FRMPD4: variants seen among roughly 807,000 people sequenced by gnomAD.
FRMPD4 encodes the protein FERM and PDZ domain-containing protein 4.
A neutral mutation model predicts 94.1 loss-of-function variants in FRMPD4; 22 were observed. The ratio of observed to expected loss-of-function variants is 0.23; its 90% CI spans 0.17 to 0.33. FRMPD4 has a LOEUF of 0.33. FRMPD4 is among the 10% of genes least tolerant of loss of function. The pLI is 1.00. For synonymous variants in FRMPD4, 631 were observed against 548.6 expected, an observed-to-expected ratio of 1.15 and a Z score of -2.10; for missense variants, 1,111 against 1,339.9, an observed-to-expected ratio of 0.83 and a Z score of 2.67.
At chrX:12,092,935 G>T (rs944347042) in intron 3 of FRMPD4, among the ~76,000 whole-genome samples, 2 of 111,789 alleles carry the variant, frequency 1.8e-5, no homozygotes, top group African/African-American at 6.5e-5. Context: ...GGTTAGAATA[G>T]GTCTGCCTGT....
intron 1 of FRMPD4, among the ~76,000 whole-genome samples, chrX:12,409,330 A>G (rs1368441668): frequency 1.8e-5 from 2 of 111,615 alleles, no homozygotes; most frequent in Non-Finnish European, 3.8e-5. Context: ...AGTAAAGTAT[A>G]TGAGCATTTG....
intron 3 of FRMPD4, among the ~76,000 whole-genome samples, chrX:11,953,858 T>C (rs925982207): frequency 8.9e-6 from 1 of 111,788 alleles, no homozygotes; most frequent in African/African-American, 3.3e-5. Context: ...TTTGTGGCAA[T>C]GAATGGAAAT....
At chrX:12,178,907 C>T (rs1224918531) in intron 1 of FRMPD4, among the ~76,000 whole-genome samples, 1 of 111,693 alleles carries the variant, frequency 9.0e-6, no homozygotes, top group African/African-American at 3.3e-5. Context: ...GGTGGATTTT[C>T]CATTGTCTCC....
chrX:12,350,984 G>A (rs1392593126), intron 1 of FRMPD4, among the ~76,000 whole-genome samples: 1 of 111,501 alleles, frequency 9.0e-6, no homozygotes, highest in Non-Finnish European at 1.9e-5. Flanking sequence ...GACCATCCTG[G>A]CCAACATGGT....
intron 3 of FRMPD4, among the ~76,000 whole-genome samples, chrX:12,069,371 C>T (rs1054274112): frequency 2.7e-5 from 3 of 111,162 alleles, no homozygotes; most frequent in Non-Finnish European, 3.8e-5. Context: ...AAGTATCACC[C>T]GGTTTGCTAC....
At chrX:12,356,401 A>G (rs1012928659) in intron 1 of FRMPD4, among the ~76,000 whole-genome samples, 2 of 112,255 alleles carry the variant, frequency 1.8e-5, no homozygotes, top group African/African-American at 3.2e-5. Flanking sequence ...AGTATGAGCT[A>G]CATACTTGGA....
At position 12,683,697 on chromosome X, in the gene FRMPD4, TGTTG is replaced by T. The variant is rs1047570258; in HGVS notation, c.573+114_573+117del. 3 of 453,794 alleles carry T rather than the reference TGTTG, an allele frequency of 6.6e-6. No individual in the cohort carries two copies. In the African/African-American group the frequency reaches 7.4e-5, roughly 11 times the overall value. The allele number at this position is 453,794 out of a possible 1,213,427, so 37.4% of individuals were successfully genotyped here. The stretch of plus-strand genomic sequence containing the variant: ...CTGGAATGACTGATCTGAAATTGGT[TGTTG>T]GTTTTTACAGAGGTGTCAAATCTCA... On this transcript the variant is annotated intron_variant, in intron 6 of 16. Transcript: ENST00000675598.
intron 3 of FRMPD4, among the ~76,000 whole-genome samples, chrX:11,900,034 C>T (rs2053925767): frequency 8.9e-6 from 1 of 112,148 alleles, no homozygotes; most frequent in Non-Finnish European, 1.9e-5. Flanking sequence ...GGTCTCTGGG[C>T]CTCCCTATGC....
intron 4 of FRMPD4, among the ~76,000 whole-genome samples, chrX:12,633,362 G>A (rs1452503965): frequency 8.9e-6 from 1 of 111,762 alleles, no homozygotes; most frequent in Non-Finnish European, 1.9e-5. Flanking sequence ...TTGACTTTCA[G>A]GAACCCTTAA....
intron 1 of FRMPD4, among the ~76,000 whole-genome samples, chrX:12,397,685 C>T (rs927806936): frequency 9.9e-5 from 11 of 111,183 alleles, no homozygotes; most frequent in African/African-American, 3.6e-4. Flanking sequence ...CTCAGCCTCT[C>T]GCCTCCCTCT....
intron 8 of FRMPD4, among the ~76,000 whole-genome samples, chrX:12,692,719 C>T (rs2060090426): frequency 1.8e-5 from 2 of 112,197 alleles, no homozygotes; most frequent in Admixed American, 1.9e-4. Context: ...TAAAAGTAAA[C>T]TCAAGATAAG....
chrX:12,558,172 A>G (rs760366702), intron 2 of FRMPD4, among the ~76,000 whole-genome samples: 3 of 112,716 alleles, frequency 2.7e-5, no homozygotes, highest in Non-Finnish European at 5.6e-5. Context: ...TTCACATGTG[A>G]TAGTAAGGCT....
chrX:12,254,906 T>C (rs2054093650), intron 1 of FRMPD4, among the ~76,000 whole-genome samples: 1 of 110,454 alleles, frequency 9.1e-6, no homozygotes, highest in Admixed American at 9.7e-5. Context: ...CCTCACTCCA[T>C]ACAGCACAGA....
At chrX:11,825,230 GT>G (rs2147269140) in intron 1 of FRMPD4, among the ~76,000 whole-genome samples, 2 of 105,349 alleles carry the variant, frequency 1.9e-5, no homozygotes, top group African/African-American at 7.0e-5. Context: ...GTGTGTGTGT[GT>G]GTGTGTGGTC....
intron 2 of FRMPD4, among the ~76,000 whole-genome samples, chrX:12,527,902 A>G (rs564192454): frequency 8.9e-6 from 1 of 112,358 alleles, no homozygotes; most frequent in Non-Finnish European, 1.9e-5. Context: ...TTTTTGGCTT[A>G]ATGGGGAAAT....
intron 3 of FRMPD4, among the ~76,000 whole-genome samples, chrX:11,980,684 C>T (rs1391680790): frequency 1.8e-5 from 2 of 111,843 alleles, no homozygotes; most frequent in Admixed American, 9.5e-5. Flanking sequence ...CATACCTTTA[C>T]AACTAGATGA....
rs1006621183 is a variant in FRMPD4, at chrX:12,050,152, T to C, written c.95+172134T>C. Among the ~76,000 whole-genome samples the C allele has an allele frequency of 3.6e-5, 4 of 111,719 alleles. No individual in the cohort carries two copies. In the Admixed American group the frequency reaches 3.8e-4, roughly 11 times the overall value. ...ATCATGTTTATAAAGTTTACAGTAG[T>C]GTACAGTAATGTCCCAGGATTTCAC... is the stretch of plus-strand genomic sequence containing the variant. On this transcript the variant is annotated intron_variant, in intron 3 of 18. Transcript: ENST00000640291.
intron 2 of FRMPD4, among the ~76,000 whole-genome samples, chrX:12,578,577 AGT>A (rs753276756): frequency 7.2e-5 from 8 of 111,849 alleles, no homozygotes; most frequent in Non-Finnish European, 1.3e-4. Flanking sequence ...CATACTGTAT[AGT>A]GTGTTTGTGT....
At chrX:11,864,347 G>A (rs1026907206) in intron 1 of FRMPD4, among the ~76,000 whole-genome samples, 3 of 109,815 alleles carry the variant, frequency 2.7e-5, no homozygotes, top group African/African-American at 9.9e-5. Flanking sequence ...CACTAAAGGA[G>A]TGGTTAGACA....
Sources: allele counts gnomAD v4.1 joint callset (sites outside exome capture counted in the v4.1 genomes callset), GRCh38; gene constraint gnomAD v4.1.1; transcripts MANE v1.5; gene names NCBI Gene and HGNC (gene_info 2026-07-23, HGNC 2026-07-21).